Variants in JARID2 observed in about 807,000 individuals in gnomAD.
JARID2 encodes protein Jumonji.
Under a neutral mutation model 125.6 loss-of-function variants are expected in JARID2, and 21 were observed. That is an observed-to-expected ratio of 0.17 (90% CI 0.12 to 0.24). The LOEUF is 0.24. Among genes scored for constraint, JARID2 ranks in the 10% least tolerant of loss-of-function variants. The probability of loss-of-function intolerance (pLI) is 1.00; values close to 1 mark genes in which losing one functional copy is unlikely to be tolerated. For missense variants in JARID2, 1,303 were observed against 1,639.6 expected (o/e 0.79, Z 3.55); for synonymous variants, 736 against 661.6 (o/e 1.11, Z -1.73).
intron 2 of JARID2, among the ~76,000 whole-genome samples, chr6:15,388,681 G>A (rs1205212491): frequency 6.6e-6 from 1 of 151,400 alleles, no homozygotes. Context: ...TCCCATTCTT[G>A]ATTATAAACC....
chr6:15,433,625 G>C (rs1377014855), intron 3 of JARID2, among the ~76,000 whole-genome samples: 2 of 152,140 alleles, frequency 1.3e-5, no homozygotes, highest in African/African-American at 4.8e-5. Flanking sequence ...ATATTCATAA[G>C]ATGATTCCCA....
At chr6:15,435,295 AACATT>A (rs1270407431) in intron 3 of JARID2, among the ~76,000 whole-genome samples, 2 of 152,238 alleles carry the variant, frequency 1.3e-5, no homozygotes, top group Admixed American at 6.5e-5. Context: ...TCATCAGTCC[AACATT>A]ATTTAAACTA....
chr6:15,418,052 T>C lies in JARID2; in HGVS notation c.323+7687T>C, dbSNP rs75814944. On this transcript the variant is annotated intron_variant, in intron 3 of 17. Transcript: ENST00000341776. ...TGTGGTGTATGTTGTAAATTTCCTC[T>C]GCCGAGCTTGGTGCGACCTAGTATT... Among the ~76,000 whole-genome samples, 378 of 152,306 alleles carry C rather than the reference T, an allele frequency of 2.5e-3. 2 individuals are homozygous for C. Among genetic ancestry groups the C allele is most frequent in the African/African-American group, 8.6e-3 (356 of 41,580 alleles).
chr6:15,269,608 G>A (rs1410941087), intron 1 of JARID2, among the ~76,000 whole-genome samples: 1 of 147,626 alleles, frequency 6.8e-6, no homozygotes, highest in African/African-American at 2.5e-5. Flanking sequence ...ATGGGGTCTA[G>A]CATTGTTTCC....
intron 1 of JARID2, among the ~76,000 whole-genome samples, chr6:15,331,552 A>G (rs958971837): frequency 1.1e-4 from 16 of 152,114 alleles, no homozygotes; most frequent in African/African-American, 3.6e-4. Flanking sequence ...ATCCTAATGT[A>G]AGCTGTGACT....
At chr6:15,325,396 C>T (rs1762505533) in intron 1 of JARID2, among the ~76,000 whole-genome samples, 1 of 152,042 alleles carries the variant, frequency 6.6e-6, no homozygotes, top group Admixed American at 6.6e-5. Flanking sequence ...TCAAGAGACC[C>T]AGCATATTGA....
At chr6:15,354,483 T>A (rs932113276) in intron 1 of JARID2, among the ~76,000 whole-genome samples, 3 of 152,248 alleles carry the variant, frequency 2.0e-5, no homozygotes, top group Non-Finnish European at 4.4e-5. Context: ...AATGCTTTCT[T>A]TGTCCTTTGT....
chr6:15,337,624 T>TA (rs1331634100), intron 1 of JARID2, among the ~76,000 whole-genome samples: 1 of 152,202 alleles, frequency 6.6e-6, no homozygotes, highest in African/African-American at 2.4e-5. Flanking sequence ...ACATAAGGAT[T>TA]AGGGGGGGTC....
rs779791295 is a variant in JARID2 at position 15,512,189 on chromosome 6, C to G, written c.2953-19C>G. On this transcript the variant is annotated intron_variant, in intron 13 of 17. Coordinates refer to ENST00000341776, the MANE Select transcript of JARID2 (RefSeq NM_004973.4). ...CTGCGCACAGGGAGGGGTGCCTCAG[C>G]CTGGCCCTGTCTCCCCAGATCTCCC... 1 of 1,609,564 alleles carries G rather than the reference C, an allele frequency of 6.2e-7. No individual in the cohort carries two copies. Among genetic ancestry groups the G allele is most frequent in the Non-Finnish European group, 8.5e-7 (1 of 1,177,070 alleles).
At chr6:15,424,804 A>C (rs1766652517) in intron 3 of JARID2, among the ~76,000 whole-genome samples, 1 of 152,212 alleles carries the variant, frequency 6.6e-6, no homozygotes, top group Non-Finnish European at 1.5e-5. Context: ...GGTTGCGGTG[A>C]GCTGAGATCG....
intron 4 of JARID2, among the ~76,000 whole-genome samples, chr6:15,454,220 C>A (rs1561873155): frequency 6.6e-6 from 1 of 152,128 alleles, no homozygotes; most frequent in Non-Finnish European, 1.5e-5. Context: ...CCTGACACCC[C>A]ATATGGTTGC....
At chr6:15,274,598 T>C (rs1039605948) in intron 1 of JARID2, among the ~76,000 whole-genome samples, 2 of 152,212 alleles carry the variant, frequency 1.3e-5, no homozygotes, top group Non-Finnish European at 2.9e-5. Flanking sequence ...GAGTGGCTTC[T>C]TATATAGCAG....
intron 3 of JARID2, among the ~76,000 whole-genome samples, chr6:15,435,733 A>G (rs1276720440): frequency 6.6e-6 from 1 of 151,866 alleles, no homozygotes; most frequent in Non-Finnish European, 1.5e-5. Context: ...AATTTTAAAT[A>G]AATACATTTT....
chr6:15,466,392 G>A (rs1297230100), intron 4 of JARID2, among the ~76,000 whole-genome samples: 1 of 152,224 alleles, frequency 6.6e-6, no homozygotes, highest in Non-Finnish European at 1.5e-5. Flanking sequence ...TAGGAAGGTT[G>A]TTCTTTAAAA....
chr6:15,425,912 C>G (rs1236699906), intron 3 of JARID2, among the ~76,000 whole-genome samples: 1 of 152,058 alleles, frequency 6.6e-6, no homozygotes, highest in Non-Finnish European at 1.5e-5. Flanking sequence ...GTAATAAGAG[C>G]GAGAAAAGGA....
At chr6:15,279,249 T>C (rs1760660973) in intron 1 of JARID2, among the ~76,000 whole-genome samples, 1 of 152,166 alleles carries the variant, frequency 6.6e-6, no homozygotes, top group Admixed American at 6.5e-5. Flanking sequence ...AGCTAGGATT[T>C]AAATTGGTCG....
chr6:15,457,825 C>T (rs1380291972), intron 4 of JARID2, among the ~76,000 whole-genome samples: 1 of 152,094 alleles, frequency 6.6e-6, no homozygotes, highest in African/African-American at 2.4e-5. Context: ...GATATGTAAA[C>T]ACCCAGCTAG....
At chr6:15,386,070 CT>C (rs1366775756) in intron 2 of JARID2, among the ~76,000 whole-genome samples, 1 of 152,092 alleles carries the variant, frequency 6.6e-6, no homozygotes, top group Non-Finnish European at 1.5e-5. Flanking sequence ...AAAATTATGT[CT>C]CTTAATTCTC....
At chr6:15,292,482 T>C (rs1761264021) in intron 1 of JARID2, among the ~76,000 whole-genome samples, 1 of 152,170 alleles carries the variant, frequency 6.6e-6, no homozygotes, top group Non-Finnish European at 1.5e-5. Flanking sequence ...ATATGGAATC[T>C]CTGGGTCAAT....
Sources: gnomAD v4.1 joint callset for allele counts (sites outside exome capture counted in the v4.1 genomes callset) on GRCh38, gnomAD v4.1.1 for gene constraint, MANE v1.5 for transcripts, NCBI Gene and HGNC (gene_info 2026-07-23, HGNC 2026-07-21) for gene names.